The following ALMS1 variants were observed in gnomAD, a reference collection of about 807,000 sequenced individuals.
The protein encoded by ALMS1 is centrosome-associated protein ALMS1.
In ALMS1, 271 loss-of-function variants were observed where a neutral mutation model predicts 352.2. That is an observed-to-expected ratio of 0.77 (90% CI 0.70 to 0.85). ALMS1 has a LOEUF of 0.85. Among genes scored for constraint, ALMS1 ranks in the 40% least tolerant of loss-of-function variants. The pLI is 0.00. For missense variants in ALMS1, 5,445 were observed against 4,870.7 expected (o/e 1.12, Z -3.51); for synonymous variants, 1,865 against 1,761.2 (o/e 1.06, Z -1.48).
chr2:73,490,564 A>G lies in ALMS1; in HGVS notation c.8605A>G (p.Asn2869Asp). 6.2e-7 allele frequency: 1 copy of G among 1,614,162 alleles called. No individual in the cohort carries two copies. Among genetic ancestry groups the G allele is most frequent in the Non-Finnish European group, 8.5e-7 (1 of 1,180,020 alleles). Reference protein sequence around the residue: ...SSSRLGVKEKNVTITPDLPSC... With the variant: ...SSSRLGVKEKDVTITPDLPSC... ...TTCCAGACTAGGAGTAAAAGAGAAG[A>G]ATGTAACTATAACTCCAGATCTTCC... The change falls in exon 10 of 23, where the codon AAT becomes GAT. Residue 2869 changes from asparagine (N) to aspartate (D), a missense_variant. Transcript: ENST00000613296.
intron 16 of ALMS1, among the ~76,000 whole-genome samples, chr2:73,590,627 CAT>C (rs1389122819): frequency 1.3e-5 from 2 of 148,670 alleles, no homozygotes; most frequent in African/African-American, 2.5e-5. Flanking sequence ...TTTTTGTAAA[CAT>C]ATTTGGAGAC....
chr2:73,576,767 C>T (rs1030925435), intron 16 of ALMS1, among the ~76,000 whole-genome samples: 1 of 151,770 alleles, frequency 6.6e-6, no homozygotes, highest in Non-Finnish European at 1.5e-5. Context: ...ATTACAGGTG[C>T]CTGACACCAT....
chr2:73,597,223 G>A (rs1325794287), intron 16 of ALMS1, among the ~76,000 whole-genome samples: 2 of 151,862 alleles, frequency 1.3e-5, no homozygotes, highest in Non-Finnish European at 1.5e-5. Flanking sequence ...TTATTTTCAG[G>A]TTGTCACTTG....
Position 73,602,260 on chromosome 2 carries a change from C to T in ALMS1, c.12190C>T (p.Gln4064Ter). 6.2e-7 allele frequency: 1 copy of T among 1,614,100 alleles called. No individual in the cohort carries two copies. The highest frequency in any genetic ancestry group is 8.5e-7 in the Non-Finnish European group (1 of 1,180,010). ...ERIKRLKLIV[Q>*]ERKLQSMLQT... ...GATAAAGCGCCTGAAGTTAATAGTC[C>T]AGGAGAGGAAGCTGCAGAGCATGTT... is the stretch of plus-strand genomic sequence containing the variant. Residue 4064 changes from glutamine to a stop codon, truncating the protein, a stop_gained, in exon 20 of 23, where the codon CAG becomes TAG. Coordinates refer to ENST00000613296, the MANE Select transcript of ALMS1 (RefSeq NM_001378454.1). LOFTEE classifies it high-confidence loss of function.
At chr2:73,404,462 T>C (rs186024168) in intron 1 of ALMS1, among the ~76,000 whole-genome samples, 52 of 152,104 alleles carry the variant, frequency 3.4e-4, no homozygotes, top group Admixed American at 2.4e-3. Flanking sequence ...GTTTATAGTC[T>C]GTTGACTTTT....
rs1346310449 is a variant in ALMS1 at position 73,483,394 on chromosome 2, T to G, written c.7675-6240T>G. ...GTAGTTGAGCGGTTTTGAGTGAGAT[T>G]CTTAATCTTGAGTTCTAGTTTGATT... On this transcript the variant is annotated intron_variant, in intron 9 of 22. Coordinates refer to ENST00000613296, the MANE Select transcript of ALMS1 (RefSeq NM_001378454.1). Among the ~76,000 whole-genome samples, 6 of 151,930 alleles carry G rather than the reference T, an allele frequency of 3.9e-5. No homozygotes were observed. In the East Asian group the frequency reaches 1.2e-3, roughly 29 times the overall value.
At position 73,539,718 on chromosome 2, in the gene ALMS1, C is replaced by T. The variant is rs188359041; in HGVS notation, c.9907+4769C>T. On this transcript the variant is annotated intron_variant, in intron 12 of 22. Coordinates refer to ENST00000613296, the MANE Select transcript of ALMS1 (RefSeq NM_001378454.1). ...GCTGAAAACCATGGCAAGAGAACTACGTGGCGAATGTACAAGCCTCAGTAG... is the reference window on the plus strand; with the variant it reads ...GCTGAAAACCATGGCAAGAGAACTATGTGGCGAATGTACAAGCCTCAGTAG... Among the ~76,000 whole-genome samples the T allele has an allele frequency of 3.7e-3, 568 of 152,256 alleles. 2 individuals are homozygous for T. Among genetic ancestry groups the T allele is most frequent in the African/African-American group, 0.013 (541 of 41,560 alleles).
chr2:73,602,731 T>C (rs2104201480), intron 20 of ALMS1, among the ~76,000 whole-genome samples: 1 of 152,302 alleles, frequency 6.6e-6, no homozygotes, highest in Non-Finnish European at 1.5e-5. Flanking sequence ...AGTCCTTACA[T>C]CTTGCCCAGG....
At chr2:73,542,800 CTT>C (rs1674218147) in intron 12 of ALMS1, among the ~76,000 whole-genome samples, 1 of 151,980 alleles carries the variant, frequency 6.6e-6, no homozygotes, top group African/African-American at 2.4e-5. Flanking sequence ...AGGAATCCAA[CTT>C]ACAAGGGATG....
At chr2:73,598,262 T>C (rs1675594584) in intron 16 of ALMS1, among the ~76,000 whole-genome samples, 1 of 152,210 alleles carries the variant, frequency 6.6e-6, no homozygotes, top group African/African-American at 2.4e-5. Flanking sequence ...GCCAGTAAAG[T>C]GACCTTATGT....
At chr2:73,601,613 A>C (rs1241733563) in intron 19 of ALMS1, among the ~76,000 whole-genome samples, 177 bp downstream of exon 19, 1 of 152,168 alleles carries the variant, frequency 6.6e-6, no homozygotes, top group African/African-American at 2.4e-5. Flanking sequence ...CATCTGTCAA[A>C]GGCTGCCTTA....
At chr2:73,542,913 C>A (rs1014725343) in intron 12 of ALMS1, among the ~76,000 whole-genome samples, 1 of 152,016 alleles carries the variant, frequency 6.6e-6, no homozygotes, top group Non-Finnish European at 1.5e-5. Flanking sequence ...TAGGAAGAAT[C>A]AATATTGTGA....
chr2:73,589,070 A>G (rs757846212), intron 16 of ALMS1, among the ~76,000 whole-genome samples: 5 of 152,158 alleles, frequency 3.3e-5, no homozygotes, highest in South Asian at 4.1e-4. Flanking sequence ...TCATACATAG[A>G]ACAAAAAACT....
At chr2:73,469,702 T>C (rs185603239) in intron 9 of ALMS1, 80 of 152,010 alleles carry the variant, frequency 5.3e-4, no homozygotes, top group African/African-American at 1.7e-3. Context: ...GGTTATATGA[T>C]AGGTGAATTA....
At chr2:73,438,732 A>G (rs1337594676) in intron 7 of ALMS1, among the ~76,000 whole-genome samples, 1 of 152,216 alleles carries the variant, frequency 6.6e-6, no homozygotes, top group Non-Finnish European at 1.5e-5. Context: ...AGGCCAATAG[A>G]AAATATCAAA....
At chr2:73,606,259 A>T (rs1675814249) in intron 21 of ALMS1, among the ~76,000 whole-genome samples, 1 of 152,216 alleles carries the variant, frequency 6.6e-6, no homozygotes, top group South Asian at 2.1e-4. Flanking sequence ...TTAATTTTTG[A>T]TACAGTATCA....
chr2:73,588,999 A>G (rs1573043798), intron 16 of ALMS1, among the ~76,000 whole-genome samples: 1 of 152,238 alleles, frequency 6.6e-6, no homozygotes, highest in East Asian at 1.9e-4. Context: ...ATCCAAATAT[A>G]CATACCTATG....
chr2:73,451,667 T>C lies in ALMS1; in HGVS notation c.5140T>C (p.Tyr1714His). 6 of 1,613,690 alleles carry C rather than the reference T, an allele frequency of 3.7e-6. No homozygotes were observed. The highest frequency in any genetic ancestry group is 5.1e-6 in the Non-Finnish European group (6 of 1,179,886). The change falls in exon 8 of 23, where the codon TAT (tyrosine) becomes CAT (histidine). Residue 1714 changes from tyrosine to histidine, a missense_variant. By Grantham distance (83) the Tyr-to-His change is moderately conservative. Transcript: ENST00000613296. ...TPSVSSSLYS[Y>H]REKPIVFYQQ... ...ATCAGTATCCTCTAGTTTATACTCA[T>C]ATAGAGAGAAGCCCATTGTCTTCTA...
intron 9 of ALMS1, among the ~76,000 whole-genome samples, chr2:73,456,202 C>G (rs999501810): frequency 6.6e-6 from 1 of 151,836 alleles, no homozygotes. Context: ...AATGATTTTC[C>G]TTCTCTTCAG....
Sources: gnomAD v4.1 joint callset for allele counts (sites outside exome capture counted in the v4.1 genomes callset) on GRCh38, gnomAD v4.1.1 for gene constraint, MANE v1.5 for transcripts, NCBI Gene and HGNC (gene_info 2026-07-23, HGNC 2026-07-21) for gene names.